ARFIP1: variants seen among roughly 807,000 people sequenced by gnomAD.
ARFIP1 encodes the protein ARF interacting protein 1.
A neutral mutation model predicts 42.5 loss-of-function variants in ARFIP1; 24 were observed. That is an observed-to-expected ratio of 0.57 (90% confidence interval 0.41 to 0.80). The LOEUF (loss-of-function observed/expected upper bound fraction) is 0.80, where lower values mean the gene tolerates loss of function less well. Ranked by LOEUF, ARFIP1 falls within the 30% of genes least tolerant of loss-of-function variation. The probability of loss-of-function intolerance (pLI) is 0.00; values close to 1 mark genes in which losing one functional copy is unlikely to be tolerated. For synonymous variants in ARFIP1, 141 were observed against 153.7 expected (o/e 0.92, Z 0.61); for missense variants, 354 against 434.0 (o/e 0.82, Z 1.64).
intron 7 of ARFIP1, among the ~76,000 whole-genome samples, chr4:152,884,731 TGTA>T (rs1243780318): frequency 2.0e-5 from 3 of 152,070 alleles, no homozygotes; most frequent in Non-Finnish European, 4.4e-5. Context: ...TTTGCTCACT[TGTA>T]GTCAATTTCA....
In ARFIP1 at chr4:152,807,716, GT is replaced by G. The variant is rs377386199; in HGVS notation, c.-9-21899del. ...CTCCTAGTCTGTGGTTCACCTTTTT[GT>G]TTTTTTTTTGATGGTGTCTTTTGAA... On this transcript the variant is annotated intron_variant, in intron 1 of 8. Coordinates refer to ENST00000353617, the MANE Select transcript of ARFIP1 (RefSeq NM_001025595.3). 9.6e-4 allele frequency among the ~76,000 whole-genome samples: 139 copies of G among 144,218 alleles called. 1 individual carries two copies. The highest frequency in any genetic ancestry group is 1.1e-3 in the Non-Finnish European group (74 of 65,200). The allele number at this position is 144,218 out of a possible 152,430, so 94.6% of individuals were successfully genotyped here. A position where few individuals can be genotyped will look rare whatever the true frequency, so the allele number is the denominator to read the frequency against.
chr4:152,877,863 A>G (rs1735497297), intron 5 of ARFIP1, among the ~76,000 whole-genome samples: 3 of 152,108 alleles, frequency 2.0e-5, no homozygotes. Flanking sequence ...TCTTGCCACC[A>G]CCATGTAAGA....
chr4:152,786,398 A>G (rs1730811942), intron 1 of ARFIP1, among the ~76,000 whole-genome samples: 2 of 152,304 alleles, frequency 1.3e-5, no homozygotes, highest in South Asian at 2.1e-4. Flanking sequence ...GAATGACACA[A>G]TTATCTTTTC....
chr4:152,803,573 G>T (rs543500945), intron 1 of ARFIP1, among the ~76,000 whole-genome samples: 18 of 152,248 alleles, frequency 1.2e-4, no homozygotes, highest in African/African-American at 4.3e-4. Flanking sequence ...AACATCCCCA[G>T]TTTGAAAACC....
Position 152,863,632 on chromosome 4 carries a change from A to G in ARFIP1, c.120A>G (p.Gly40=). ...ATTTGAAGCATTCATTACCATCTGGACTTGGTCTCTCAGAAACCCAAATTA... is the reference window on the plus strand; with the variant it reads ...ATTTGAAGCATTCATTACCATCTGGGCTTGGTCTCTCAGAAACCCAAATTA... The part of the protein sequence containing the change: ...NRDLKHSLPS[G]LGLSETQITS... Residue 40 remains glycine (G), a synonymous_variant, in exon 3 of 9, where the codon GGA becomes GGG. Transcript: ENST00000353617. 6.2e-7 allele frequency: 1 copy of G among 1,606,302 alleles called. No homozygotes were observed.
intron 8 of ARFIP1, among the ~76,000 whole-genome samples, chr4:152,894,315 TAAA>T (rs1358433214): frequency 1.3e-5 from 2 of 152,100 alleles, no homozygotes; most frequent in African/African-American, 4.8e-5. Flanking sequence ...CTTTGCTTAC[TAAA>T]ACTTCTCTTT....
At chr4:152,833,431 C>T (rs376480060) in intron 2 of ARFIP1, among the ~76,000 whole-genome samples, 129 of 152,240 alleles carry the variant, frequency 8.5e-4, no homozygotes, top group East Asian at 5.0e-3. Flanking sequence ...TCAGTTGGTA[C>T]ATCTGTTGTG....
At chr4:152,829,514 G>C (rs1276714391) in intron 1 of ARFIP1, 111 bp from the exon 2 acceptor site, 3 of 603,014 alleles carry the variant, frequency 5.0e-6, no homozygotes, top group Non-Finnish European at 8.6e-6. Context: ...GTATTTGGTA[G>C]GTTGCAATGA....
intron 2 of ARFIP1, among the ~76,000 whole-genome samples, chr4:152,845,232 G>A (rs900686251): frequency 5.3e-5 from 8 of 152,230 alleles, no homozygotes; most frequent in African/African-American, 1.9e-4. Context: ...AAGATTTAAA[G>A]ATAAGACCTC....
At chr4:152,809,952 T>C (rs1344374009) in intron 1 of ARFIP1, 1 of 152,218 alleles carries the variant, frequency 6.6e-6, no homozygotes, top group Admixed American at 6.5e-5. Flanking sequence ...GTACTTGAAC[T>C]TAACAAGGAA....
intron 8 of ARFIP1, among the ~76,000 whole-genome samples, chr4:152,895,121 A>T (rs1052100166): frequency 5.3e-5 from 8 of 152,198 alleles, no homozygotes; most frequent in African/African-American, 1.9e-4. Context: ...GAAGCCCTTG[A>T]AATAATTCTT....
rs140104508 is a variant in ARFIP1, at chr4:152,888,490, A to G, written c.966+183A>G. Among the ~76,000 whole-genome samples, 506 of 152,272 alleles carry G rather than the reference A, an allele frequency of 3.3e-3. 2 individuals carry two copies. The highest frequency in any genetic ancestry group is 5.3e-3 in the Non-Finnish European group (361 of 67,998). On this transcript the variant is annotated intron_variant, in intron 8 of 8. Coordinates refer to ENST00000353617, the MANE Select transcript of ARFIP1 (RefSeq NM_001025595.3). ...TATTTACCTTTCTTTGATAAAAGTT[A>G]TCAATGCCACCGTCCCAGTCTTTCA...
rs2149859410 is a variant in ARFIP1, at chr4:152,844,638, C to G, written c.93+14912C>G. On this transcript the variant is annotated intron_variant, in intron 2 of 8. Transcript: ENST00000353617. ...ATAGAAGCAATAACCTATTTCACCT[C>G]CTTAAAGAAATTCAACATAATACAA... 2.0e-5 allele frequency among the ~76,000 whole-genome samples: 3 copies of G among 151,726 alleles called. No individual in the cohort carries two copies. The South Asian group carries it at 6.3e-4, about 32-fold the overall frequency.
chr4:152,830,648 G>A (rs929244854), intron 2 of ARFIP1, among the ~76,000 whole-genome samples: 1 of 152,142 alleles, frequency 6.6e-6, no homozygotes, highest in South Asian at 2.1e-4. Context: ...CTCAGTCTTA[G>A]CACTGTTGAC....
chr4:152,829,835 T>G (rs897643738), intron 2 of ARFIP1, 109 bp downstream of exon 2: 1 of 851,742 alleles, frequency 1.2e-6, no homozygotes, highest in African/African-American at 1.7e-5. Flanking sequence ...TTAGATTGGC[T>G]TCAGTCAGGA....
intron 1 of ARFIP1, among the ~76,000 whole-genome samples, chr4:152,806,377 T>G (rs143135210): frequency 2.0e-5 from 3 of 152,288 alleles, no homozygotes; most frequent in African/African-American, 7.2e-5. Context: ...AGGTGGGCAC[T>G]GTGATCAGGG....
intron 1 of ARFIP1, among the ~76,000 whole-genome samples, chr4:152,815,146 A>G (rs1228495674): frequency 6.6e-6 from 1 of 151,890 alleles, no homozygotes; most frequent in African/African-American, 2.4e-5. Context: ...AGATTTTGGG[A>G]TATCCCAGAG....
intron 1 of ARFIP1, chr4:152,796,470 A>C (rs369343765): frequency 1.4e-5 from 10 of 731,154 alleles, no homozygotes; most frequent in African/African-American, 1.1e-4. Context: ...CTGGGCACAT[A>C]CTTTAGGCAG....
intron 2 of ARFIP1, among the ~76,000 whole-genome samples, chr4:152,861,566 A>G (rs2149874984): frequency 6.6e-6 from 1 of 152,300 alleles, no homozygotes; most frequent in South Asian, 2.1e-4. Flanking sequence ...CTTCTTCAGC[A>G]AACATTCCAA....
Sources: gnomAD v4.1 joint callset for allele counts (sites outside exome capture counted in the v4.1 genomes callset) on GRCh38, gnomAD v4.1.1 for gene constraint, MANE v1.5 for transcripts, NCBI Gene and HGNC (gene_info 2026-07-23, HGNC 2026-07-21) for gene names.